PCDHA11: variants seen among roughly 807,000 people sequenced by gnomAD.
PCDHA11 encodes the protein protocadherin alpha 11, also known as protocadherin alpha-11.
PCDHA11 carries 61 observed loss-of-function variants against 70.3 expected under a neutral mutation model. The observed-to-expected ratio is 0.87, with a 90% confidence interval of 0.71 to 1.07. The LOEUF (loss-of-function observed/expected upper bound fraction) is 1.07. Ranked by LOEUF, PCDHA11 falls within the 50% of genes least tolerant of loss-of-function variation. The probability of loss-of-function intolerance (pLI) is 0.00; values close to 1 mark genes in which losing one functional copy is unlikely to be tolerated. For synonymous variants in PCDHA11, 633 were observed against 555.1 expected (o/e 1.14, Z -1.97); for missense variants, 1,324 against 1,237.5 (o/e 1.07, Z -1.05).
intron 1 of PCDHA11, chr5:140,967,963 A>C (rs1554230144): frequency 6.2e-7 from 1 of 1,614,210 alleles, no homozygotes; most frequent in South Asian, 1.1e-5. Context: ...CCAACCGGAA[A>C]GTGAGCCTGG....
chr5:140,890,505 C>T (rs968263026), intron 1 of PCDHA11, among the ~76,000 whole-genome samples: 4 of 151,914 alleles, frequency 2.6e-5, no homozygotes, highest in Admixed American at 2.6e-4. Flanking sequence ...ATTTTTATGT[C>T]TCTATTTCCT....
intron 1 of PCDHA11, chr5:140,882,353 G>A (rs782054546): frequency 2.5e-6 from 4 of 1,614,174 alleles, no homozygotes; most frequent in Non-Finnish European, 3.4e-6. Flanking sequence ...GACGGGTAGT[G>A]GCCAGCTCCA....
At chr5:140,973,207 A>C (rs1335984656) in intron 1 of PCDHA11, among the ~76,000 whole-genome samples, 1 of 152,100 alleles carries the variant, frequency 6.6e-6, no homozygotes, top group Non-Finnish European at 1.5e-5. Flanking sequence ...GTGCATATTC[A>C]CCCTAATTCC....
chr5:140,941,573 C>T (rs1220556647), intron 1 of PCDHA11, among the ~76,000 whole-genome samples: 1 of 152,108 alleles, frequency 6.6e-6, no homozygotes, highest in African/African-American at 2.4e-5. Flanking sequence ...CCTCAGCCTC[C>T]CAAAGTGCTG....
At chr5:140,960,742 T>C (rs1336861398) in intron 1 of PCDHA11, among the ~76,000 whole-genome samples, 1 of 151,530 alleles carries the variant, frequency 6.6e-6, no homozygotes, top group Non-Finnish European at 1.5e-5. Flanking sequence ...TTTTAGTCCA[T>C]GGCTAAAATC....
chr5:140,929,517 A>G, intron 1 of PCDHA11: 1 of 761,634 alleles, frequency 1.3e-6, no homozygotes, highest in Non-Finnish European at 1.9e-6. Context: ...CAAGGGACTT[A>G]TAGTTTATTT....
intron 1 of PCDHA11, among the ~76,000 whole-genome samples, chr5:140,899,594 G>A (rs1583347259): frequency 1.3e-5 from 2 of 152,238 alleles, no homozygotes; most frequent in Non-Finnish European, 2.9e-5. Flanking sequence ...GTATTTTATT[G>A]AGGACTTTTG....
chr5:140,967,974 G>A (rs782644202), intron 1 of PCDHA11: 3 of 1,614,204 alleles, frequency 1.9e-6, no homozygotes, highest in South Asian at 1.1e-5. Flanking sequence ...GTGAGCCTGG[G>A]TCTGGAGGCC....
In PCDHA11 at chr5:140,869,205, C is replaced by G; in HGVS notation, c.102C>G (p.Ser34=). The change falls in exon 1 of 4, where the codon TCC becomes TCG. Residue 34 remains serine, a synonymous_variant. Transcript: ENST00000398640. Reference sequence around the variant, plus strand: ...TGGGGAGCGGCCAGCTCCACTACTCCGTCTCGGAGGAGGCCAAACACGGCA... The same window carrying G: ...TGGGGAGCGGCCAGCTCCACTACTCGGTCTCGGAGGAGGCCAAACACGGCA... ...WEVGSGQLHY[S]VSEEAKHGTF... The G allele has an allele frequency of 6.2e-7, 1 of 1,613,994 alleles. No homozygotes were observed.
At chr5:140,927,975 C>T in intron 1 of PCDHA11, 2 of 1,614,244 alleles carry the variant, frequency 1.2e-6, no homozygotes, top group Non-Finnish European at 1.7e-6. Context: ...TGATTGCTCT[C>T]TTTAGTGTAA....
intron 1 of PCDHA11, among the ~76,000 whole-genome samples, chr5:140,897,748 C>G (rs565250286): frequency 6.6e-5 from 10 of 152,214 alleles, no homozygotes; most frequent in Non-Finnish European, 1.5e-4. Flanking sequence ...GTTCTAGATC[C>G]CTGAGGAATC....
At chr5:140,946,277 AT>A (rs1554217463) in intron 1 of PCDHA11, among the ~76,000 whole-genome samples, 1 of 152,068 alleles carries the variant, frequency 6.6e-6, no homozygotes, top group Non-Finnish European at 1.5e-5. Flanking sequence ...TAAAACCCCA[AT>A]GAGATATCAC....
intron 1 of PCDHA11, among the ~76,000 whole-genome samples, chr5:140,946,629 T>TATATATATATATATATATAC (rs1367833800): frequency 1.4e-4 from 17 of 123,272 alleles, no homozygotes; most frequent in African/African-American, 5.1e-4. Context: ...TATATATATA[T>TATATATATATATATATATAC]ATACAATGGA....
intron 1 of PCDHA11, among the ~76,000 whole-genome samples, chr5:140,887,041 A>G (rs1166286264): frequency 6.6e-6 from 1 of 152,026 alleles, no homozygotes; most frequent in African/African-American, 2.4e-5. Flanking sequence ...AATATTTTTT[A>G]TAGTGCATAT....
intron 1 of PCDHA11, among the ~76,000 whole-genome samples, chr5:140,922,818 C>G (rs530870255): frequency 6.6e-6 from 1 of 152,326 alleles, no homozygotes; most frequent in South Asian, 2.1e-4. Context: ...GGAGATACAG[C>G]ATACTGCTAA....
rs764735564 is a variant in PCDHA11, at chr5:140,871,304, G to A, written c.2201G>A (p.Gly734Glu). Residue 734 changes from glycine (G) to glutamate (E), a missense_variant, in exon 1 of 4, where the codon GGG becomes GAG. By Grantham distance (98) the Gly-to-Glu change is moderately conservative. Transcript: ENST00000398640. ...ATPTEGACAP[G>E]KPTLVCSRAV... ...CCCACTGAGGGCGCGTGCGCGCCGG[G>A]GAAGCCCACGCTGGTGTGCTCCCGC... 4.3e-6 allele frequency: 7 copies of A among 1,613,850 alleles called. No individual in the cohort carries two copies. In the East Asian group the frequency reaches 1.3e-4, roughly 31 times the overall value.
chr5:140,918,651 C>A (rs1418223257), intron 1 of PCDHA11, among the ~76,000 whole-genome samples: 1 of 152,144 alleles, frequency 6.6e-6, no homozygotes, highest in African/African-American at 2.4e-5. Flanking sequence ...AAACCTAATT[C>A]TCATGTTGAT....
At chr5:140,882,950 C>G (rs1197710877) in intron 1 of PCDHA11, 1 of 1,614,098 alleles carries the variant, frequency 6.2e-7, no homozygotes, top group Non-Finnish European at 8.5e-7. Context: ...CACAGTTCAG[C>G]TGCTCATCAC....
chr5:140,916,051 G>A (rs2153537424), intron 1 of PCDHA11, among the ~76,000 whole-genome samples: 1 of 152,240 alleles, frequency 6.6e-6, no homozygotes, highest in African/African-American at 2.4e-5. Context: ...ACAGGCAGAG[G>A]TGCCTCTCCC....
Sources: allele counts gnomAD v4.1 joint callset (sites outside exome capture counted in the v4.1 genomes callset), GRCh38; gene constraint gnomAD v4.1.1; transcripts MANE v1.5; gene names NCBI Gene and HGNC (gene_info 2026-07-23, HGNC 2026-07-21).